Variants in PEX5L observed in about 807,000 individuals in gnomAD.
PEX5L encodes the protein PEX5-related protein.
A neutral mutation model predicts 84.0 loss-of-function variants in PEX5L; 30 were observed. That is an observed-to-expected ratio of 0.36 (90% CI 0.27 to 0.48). PEX5L has a LOEUF of 0.48. Among genes scored for constraint, PEX5L ranks in the 20% least tolerant of loss-of-function variants. The pLI is 0.99. For missense variants in PEX5L, 533 were observed against 754.6 expected (o/e 0.71, Z 3.44); for synonymous variants, 270 against 283.1 (o/e 0.95, Z 0.46).
chr3:179,894,649 C>A (rs997159788), intron 3 of PEX5L, among the ~76,000 whole-genome samples: 1 of 152,106 alleles, frequency 6.6e-6, no homozygotes, highest in Non-Finnish European at 1.5e-5. Context: ...TACTTACTAG[C>A]AGCCTTGAAA....
At chr3:179,881,523 G>A (rs1252736775) in intron 4 of PEX5L, 1 of 152,166 alleles carries the variant, frequency 6.6e-6, no homozygotes, top group South Asian at 2.1e-4. Context: ...GTCTTTTAGG[G>A]ATAAGATGAG....
chr3:179,856,298 TA>T (rs1743916006), intron 8 of PEX5L, among the ~76,000 whole-genome samples: 1 of 152,236 alleles, frequency 6.6e-6, no homozygotes, highest in Non-Finnish European at 1.5e-5. Flanking sequence ...GATTATACTG[TA>T]AAACTTTCCA....
chr3:179,803,649 C>T (rs1192441747), intron 14 of PEX5L, among the ~76,000 whole-genome samples: 2 of 152,228 alleles, frequency 1.3e-5, no homozygotes, highest in Non-Finnish European at 2.9e-5. Flanking sequence ...TTTGCATCCA[C>T]TTTACTGTTC....
At chr3:179,862,402 C>A (rs1002699173) in intron 7 of PEX5L, among the ~76,000 whole-genome samples, 11 of 152,218 alleles carry the variant, frequency 7.2e-5, no homozygotes, top group African/African-American at 2.4e-4. Context: ...AGACAGTTCA[C>A]AACCTTTTAG....
intron 1 of PEX5L, among the ~76,000 whole-genome samples, chr3:179,976,127 T>C (rs1479648471): frequency 6.6e-6 from 1 of 152,062 alleles, no homozygotes; most frequent in Non-Finnish European, 1.5e-5. Flanking sequence ...TGCATTTAAG[T>C]AATGGGCAAA....
rs79302961 is a variant in PEX5L, at chr3:179,885,189, G to A, written c.310+2484C>T. ...AACACTATTTTTCCAGACCCCCTACGTTGGAGAGTATTATGGATTGAGTGG... is the reference window on the plus strand; with the variant it reads ...AACACTATTTTTCCAGACCCCCTACATTGGAGAGTATTATGGATTGAGTGG... On this transcript the variant is annotated intron_variant, in intron 4 of 14. Coordinates refer to ENST00000467460, the MANE Select transcript of PEX5L (RefSeq NM_016559.3). Among the ~76,000 whole-genome samples the A allele has an allele frequency of 1.4e-4, 22 of 152,204 alleles. No individual in the cohort carries two copies. The East Asian group carries it at 2.7e-3, about 19-fold the overall frequency.
intron 2 of PEX5L, among the ~76,000 whole-genome samples, chr3:179,922,721 T>C (rs906866996): frequency 7.9e-5 from 12 of 152,070 alleles, no homozygotes; most frequent in African/African-American, 2.9e-4. Flanking sequence ...CCCAAAGTGC[T>C]GGGATTACAG....
At chr3:179,874,489 A>G (rs1751471998) in intron 6 of PEX5L, 66 bp from the exon 7 acceptor site, 1 of 823,256 alleles carries the variant, frequency 1.2e-6, no homozygotes. Flanking sequence ...AATCCAGCCA[A>G]GAAACTAGGT....
intron 1 of PEX5L, among the ~76,000 whole-genome samples, chr3:179,984,582 C>T (rs1267409461): frequency 6.6e-6 from 1 of 152,152 alleles, no homozygotes; most frequent in East Asian, 1.9e-4. Flanking sequence ...GTTTGAACCA[C>T]TGCTATTCTA....
chr3:179,966,058 GTCTC>G (rs2110165279), intron 2 of PEX5L, among the ~76,000 whole-genome samples: 1 of 152,296 alleles, frequency 6.6e-6, no homozygotes, highest in African/African-American at 2.4e-5. Flanking sequence ...AATTTGAATA[GTCTC>G]TCTCATTCCA....
At chr3:179,923,314 C>T (rs9831383) in intron 2 of PEX5L, among the ~76,000 whole-genome samples, 45,129 of 134,028 alleles carry the variant, frequency 0.34, 7,608 homozygotes, top group African/African-American at 0.37. Flanking sequence ...AAAAAAAACA[C>T]CCTCAAGTGA....
At chr3:179,813,097 A>G (rs1480632225) in intron 10 of PEX5L, among the ~76,000 whole-genome samples, 4 of 152,138 alleles carry the variant, frequency 2.6e-5, no homozygotes, top group South Asian at 2.1e-4. Flanking sequence ...AGCAACCTCT[A>G]TTTTGATTTC....
chr3:179,990,609 C>T (rs951953168), intron 1 of PEX5L, among the ~76,000 whole-genome samples: 1 of 152,030 alleles, frequency 6.6e-6, no homozygotes, highest in Non-Finnish European at 1.5e-5. Context: ...CAATATGTTT[C>T]CCAGGCTGGT....
intron 1 of PEX5L, among the ~76,000 whole-genome samples, chr3:180,006,485 G>T (rs544903927): frequency 6.6e-6 from 1 of 152,096 alleles, no homozygotes; most frequent in Non-Finnish European, 1.5e-5. Flanking sequence ...CAAAGTTAGA[G>T]GAAGTTGAGG....
intron 1 of PEX5L, among the ~76,000 whole-genome samples, chr3:179,982,522 A>G (rs373491917): frequency 3.9e-5 from 6 of 152,174 alleles, no homozygotes; most frequent in African/African-American, 1.4e-4. Flanking sequence ...TTACAGAGAC[A>G]ATGGGAAAGA....
intron 1 of PEX5L, among the ~76,000 whole-genome samples, chr3:179,991,963 C>T (rs931676534): frequency 3.9e-5 from 6 of 152,092 alleles, no homozygotes; most frequent in Non-Finnish European, 8.8e-5. Context: ...TCCCATGGCG[C>T]TTATTTATAA....
In PEX5L at chr3:179,797,525, G is replaced by A. The variant is rs565988352; in HGVS notation, c.*4303C>T. The A allele has an allele frequency of 6.9e-6, 1 of 145,496 alleles. No individual in the cohort carries two copies. The highest frequency in any genetic ancestry group is 2.2e-4 in the South Asian group (1 of 4,578). The allele number at this position is 145,496 out of a possible 1,614,324, so 9.0% of individuals were successfully genotyped here. A position where few individuals can be genotyped will look rare whatever the true frequency, so the allele number is the denominator to read the frequency against. The stretch of plus-strand genomic sequence containing the variant: ...AATATTTTTGTACCTGAGGTTATAC[G>A]TTTTGCTTTTAAAAAATTGCTTTTT... On this transcript the variant is annotated 3_prime_UTR_variant, in exon 15 of 15. Coordinates refer to ENST00000467460, the MANE Select transcript of PEX5L (RefSeq NM_016559.3).
chr3:179,923,623 G>C (rs991646690), intron 2 of PEX5L, among the ~76,000 whole-genome samples: 1 of 152,180 alleles, frequency 6.6e-6, no homozygotes, highest in Non-Finnish European at 1.5e-5. Context: ...CGGGCATAAG[G>C]CTTAAGATCA....
chr3:179,948,155 T>G (rs1003206146), intron 2 of PEX5L, among the ~76,000 whole-genome samples: 2 of 152,230 alleles, frequency 1.3e-5, no homozygotes, highest in African/African-American at 4.8e-5. Flanking sequence ...CTTTCCATAA[T>G]TATAAATAAA....
Sources: gnomAD v4.1 joint callset for allele counts (sites outside exome capture counted in the v4.1 genomes callset) on GRCh38, gnomAD v4.1.1 for gene constraint, MANE v1.5 for transcripts, NCBI Gene and HGNC (gene_info 2026-07-23, HGNC 2026-07-21) for gene names.